The following GAD2 variants were observed in gnomAD, a reference collection of about 807,000 sequenced individuals.
GAD2 encodes the protein glutamate decarboxylase 2, also known as 65 kDa glutamic acid decarboxylase.
A neutral mutation model predicts 80.1 loss-of-function variants in GAD2; 22 were observed. That is an observed-to-expected ratio of 0.27 (90% CI 0.20 to 0.39). GAD2 has a LOEUF of 0.39. GAD2 is among the 10% of genes least tolerant of loss of function. GAD2 has a pLI of 1.00. For synonymous variants in GAD2, 274 were observed against 256.9 expected, an observed-to-expected ratio of 1.07 and a Z score of -0.64; for missense variants, 624 against 738.4, an observed-to-expected ratio of 0.85 and a Z score of 1.80.
intron 13 of GAD2, among the ~76,000 whole-genome samples, chr10:26,288,355 T>A (rs1017986300): frequency 2.6e-4 from 40 of 152,300 alleles, no homozygotes; most frequent in African/African-American, 8.9e-4. Flanking sequence ...AAGCTAAATA[T>A]CAGGAGCTTT....
chr10:26,217,474 C>G lies in GAD2; in HGVS notation c.77-136C>G. 1 of 883,922 alleles carries G rather than the reference C, an allele frequency of 1.1e-6. No individual in the cohort carries two copies. The highest frequency in any genetic ancestry group is 1.8e-6 in the Non-Finnish European group (1 of 550,176). The allele number at this position is 883,922 out of a possible 1,614,324, so 54.8% of individuals were successfully genotyped here. On this transcript the variant is annotated intron_variant, in intron 1 of 15. Coordinates refer to ENST00000376261, the MANE Select transcript of GAD2 (RefSeq NM_001134366.2). The surrounding 1 kb of genome is among the most constrained non-coding windows in gnomAD (Gnocchi z 4.9). ...TCTGCACCTGCCGGCCTCACCGAGTCCTGAGCGGCCCCCAGGAGGAAGGCG... is the reference window on the plus strand; with the variant it reads ...TCTGCACCTGCCGGCCTCACCGAGTGCTGAGCGGCCCCCAGGAGGAAGGCG...
chr10:26,257,605 C>A (rs1472070854), intron 8 of GAD2, among the ~76,000 whole-genome samples: 1 of 148,392 alleles, frequency 6.7e-6, no homozygotes, highest in East Asian at 2.0e-4. Context: ...CACAAGAAAT[C>A]TGTTAGCCAT....
At chr10:26,220,510 G>A (rs898135620) in intron 4 of GAD2, among the ~76,000 whole-genome samples, 12 of 152,176 alleles carry the variant, frequency 7.9e-5, no homozygotes, top group African/African-American at 2.9e-4. Flanking sequence ...TCAAAGTCAG[G>A]CTATGGAATA....
At chr10:26,232,212 G>A (rs1256462755) in intron 7 of GAD2, among the ~76,000 whole-genome samples, 3 of 152,092 alleles carry the variant, frequency 2.0e-5, no homozygotes, top group Non-Finnish European at 4.4e-5. Context: ...TACATTCTCA[G>A]CCTCAAAAAG....
chr10:26,295,119 T>G (rs1254900566), intron 15 of GAD2, among the ~76,000 whole-genome samples: 6 of 152,166 alleles, frequency 3.9e-5, no homozygotes, highest in Non-Finnish European at 7.3e-5. Flanking sequence ...AAAGTCAACT[T>G]GGAGGCTCCC....
chr10:26,218,442 A>T (rs1045812167), intron 3 of GAD2: 18 of 160,190 alleles, frequency 1.1e-4, no homozygotes, highest in Middle Eastern at 3.1e-3. Context: ...TTCCATTCAC[A>T]TGAAACCCGC....
chr10:26,237,147 G>A lies in GAD2; in HGVS notation c.840+7370G>A, dbSNP rs974666992. On this transcript the variant is annotated intron_variant, in intron 7 of 15. Transcript: ENST00000376261. ...AGTGGGCAGAACACACCCAGTGCCCGCTCTCAGCAAGTGTCCCTTGTTCTG... is the reference window on the plus strand; with the variant it reads ...AGTGGGCAGAACACACCCAGTGCCCACTCTCAGCAAGTGTCCCTTGTTCTG... Among the ~76,000 whole-genome samples the A allele has an allele frequency of 1.4e-4, 21 of 152,284 alleles. No individual in the cohort carries two copies. The East Asian group carries it at 2.5e-3, about 18-fold the overall frequency.
At chr10:26,283,076 G>A (rs968114081) in intron 12 of GAD2, among the ~76,000 whole-genome samples, 7 of 152,200 alleles carry the variant, frequency 4.6e-5, no homozygotes, top group Non-Finnish European at 1.0e-4. Context: ...CAGACCAAAA[G>A]GGAAATGCGA....
intron 8 of GAD2, among the ~76,000 whole-genome samples, chr10:26,246,287 C>A (rs1002838650): frequency 6.6e-6 from 1 of 152,128 alleles, no homozygotes; most frequent in Non-Finnish European, 1.5e-5. Flanking sequence ...CACCTGGGCA[C>A]GTTAGCAACA....
At chr10:26,242,055 A>G (rs1267486259) in intron 7 of GAD2, among the ~76,000 whole-genome samples, 1 of 152,100 alleles carries the variant, frequency 6.6e-6, no homozygotes, top group Non-Finnish European at 1.5e-5. Flanking sequence ...ATCTTGGCTC[A>G]CTGCAAGCCA....
At chr10:26,218,104 G>A in intron 3 of GAD2, 113 bp downstream of exon 3, 1 of 1,154,646 alleles carries the variant, frequency 8.7e-7, no homozygotes, top group Non-Finnish European at 1.2e-6. Context: ...AGGTGGCAGC[G>A]GAGGCGGGAC....
chr10:26,235,149 C>G (rs936201214), intron 7 of GAD2, among the ~76,000 whole-genome samples: 2 of 152,252 alleles, frequency 1.3e-5, no homozygotes, highest in African/African-American at 4.8e-5. Flanking sequence ...TCTGGGATTA[C>G]AGGCGTGAGC....
At chr10:26,279,199 G>A (rs151016594) in intron 11 of GAD2, among the ~76,000 whole-genome samples, 62 of 152,168 alleles carry the variant, frequency 4.1e-4, no homozygotes, top group African/African-American at 1.4e-3. Flanking sequence ...ATCCAAACAG[G>A]AGCACGGTGG....
chr10:26,224,318 C>T (rs544313544), intron 5 of GAD2, among the ~76,000 whole-genome samples: 7 of 152,234 alleles, frequency 4.6e-5, no homozygotes, highest in South Asian at 4.1e-4. Context: ...AAATTCCCCT[C>T]GTGCATTATG....
intron 8 of GAD2, among the ~76,000 whole-genome samples, chr10:26,251,056 C>CTTTTTTTTTTTTT (rs60993936): frequency 1.3e-4 from 15 of 119,830 alleles, no homozygotes; most frequent in East Asian, 2.4e-4. Flanking sequence ...TTTTTTTTTG[C>CTTTTTTTTTTTTT]TTTTTTTTTT....
chr10:26,262,850 CT>C (rs61008985), intron 8 of GAD2, among the ~76,000 whole-genome samples: 21,561 of 145,654 alleles, frequency 0.15, 1,953 homozygotes, highest in African/African-American at 0.27. Context: ...TATCATAATC[CT>C]TTTTTTTTTT....
At chr10:26,223,495 C>A (rs911490934) in intron 4 of GAD2, among the ~76,000 whole-genome samples, 3 of 152,092 alleles carry the variant, frequency 2.0e-5, no homozygotes, top group Non-Finnish European at 4.4e-5. Flanking sequence ...GAGAAGTTAC[C>A]TGTCTGAATG....
At chr10:26,229,376 C>A (rs766695218) in intron 6 of GAD2, among the ~76,000 whole-genome samples, 12 of 151,996 alleles carry the variant, frequency 7.9e-5, no homozygotes, top group Non-Finnish European at 1.6e-4. Flanking sequence ...TGGAGGCAAA[C>A]CTTTTGCTTT....
chr10:26,264,751 T>C (rs1181035375), intron 8 of GAD2, among the ~76,000 whole-genome samples: 1 of 152,198 alleles, frequency 6.6e-6, no homozygotes, highest in Non-Finnish European at 1.5e-5. Context: ...AAACTGGTCA[T>C]TTATCGTTGC....
Sources: allele counts gnomAD v4.1 joint callset (sites outside exome capture counted in the v4.1 genomes callset), GRCh38; gene constraint gnomAD v4.1.1; non-coding constraint Gnocchi (gnomAD v3.1); transcripts MANE v1.5; gene names NCBI Gene and HGNC (gene_info 2026-07-23, HGNC 2026-07-21).